The following SNED1 variants were observed in gnomAD, a reference collection of about 807,000 sequenced individuals.
SNED1 encodes sushi, nidogen and EGF-like domain-containing protein 1.
In SNED1, 81 loss-of-function variants were observed where a neutral mutation model predicts 166.7. That is an observed-to-expected ratio of 0.49 (90% CI 0.41 to 0.58). The LOEUF (loss-of-function observed/expected upper bound fraction) is 0.58, where lower values mean the gene tolerates loss of function less well. Ranked by LOEUF, SNED1 falls within the 20% of genes least tolerant of loss-of-function variation. SNED1 has a pLI of 0.00. For missense variants in SNED1, 1,604 were observed against 2,000.2 expected, an observed-to-expected ratio of 0.80 and a Z score of 3.78; for synonymous variants, 762 against 822.0, an observed-to-expected ratio of 0.93 and a Z score of 1.25.
Position 241,073,628 on chromosome 2 carries a change from G to A in SNED1, c.3916+264G>A, listed in dbSNP as rs2062858644. The A allele has an allele frequency of 3.9e-6, 2 of 518,092 alleles. No individual in the cohort carries two copies. The highest frequency in any genetic ancestry group is 3.0e-5 in the East Asian group (1 of 33,094). The allele number at this position is 518,092 out of a possible 1,614,324, so 32.1% of individuals were successfully genotyped here. ...AGTCTGAGCTAGAGAGACTGGCTTT[G>A]ATGCTGCCTCCCCTCCCCTCTCCTC... On this transcript the variant is annotated intron_variant, in intron 27 of 31. Coordinates refer to ENST00000310397, the MANE Select transcript of SNED1 (RefSeq NM_001080437.3). This position sits in a 1 kb window ranked among gnomAD's most constrained non-coding sequence, Gnocchi z 6.6.
At chr2:241,004,338 G>A (rs902594929) in intron 1 of SNED1, among the ~76,000 whole-genome samples, 1 of 152,006 alleles carries the variant, frequency 6.6e-6, no homozygotes. Flanking sequence ...TTTTAATCCA[G>A]CCTGACAAAT....
intron 1 of SNED1, among the ~76,000 whole-genome samples, chr2:241,006,817 G>A (rs183533288): frequency 1.3e-5 from 2 of 152,154 alleles, no homozygotes; most frequent in African/African-American, 4.8e-5. Flanking sequence ...AAGAACCAGG[G>A]TGCCTTGGAG....
Position 241,040,244 on chromosome 2 carries a change from G to A in SNED1, c.1159+56G>A. On this transcript the variant is annotated intron_variant, in intron 7 of 31. Transcript: ENST00000310397. ...GCTCCTGCCCGTGGCCAGGTGCTGGGCACAGGGTGGTTGTGGCCTGGCTCA... is the reference window on the plus strand; with the variant it reads ...GCTCCTGCCCGTGGCCAGGTGCTGGACACAGGGTGGTTGTGGCCTGGCTCA... 5.7e-6 allele frequency: 9 copies of A among 1,566,656 alleles called. No individual in the cohort carries two copies. The South Asian group carries it at 1.0e-4, about 18-fold the overall frequency.
chr2:241,058,893 T>A (rs2062147000), intron 16 of SNED1, among the ~76,000 whole-genome samples: 2 of 151,346 alleles, frequency 1.3e-5, no homozygotes, highest in African/African-American at 4.9e-5. Context: ...GAGCTTGCAG[T>A]GAGCCAAGAT....
chr2:241,070,331 AG>A (rs1178714530), intron 24 of SNED1, 130 bp downstream of exon 24: 4 of 983,610 alleles, frequency 4.1e-6, no homozygotes, highest in Non-Finnish European at 5.8e-6. Flanking sequence ...CCGTGTTAGC[AG>A]GGGAGGAGTC....
intron 8 of SNED1, 70 bp from the exon 9 acceptor site, chr2:241,048,245 G>C: frequency 6.7e-7 from 1 of 1,482,644 alleles, no homozygotes; most frequent in East Asian, 2.4e-5. Flanking sequence ...GGTGCCATTG[G>C]AGCTGGGCGG....
chr2:241,081,413 T>C (rs762853948), intron 27 of SNED1, among the ~76,000 whole-genome samples: 4 of 150,214 alleles, frequency 2.7e-5, no homozygotes, highest in East Asian at 1.9e-4. Context: ...TCCTCCTCCT[T>C]GTTTTTGTTT....
At chr2:241,000,189 A>G (rs1163366215) in intron 1 of SNED1, among the ~76,000 whole-genome samples, 1 of 152,004 alleles carries the variant, frequency 6.6e-6, no homozygotes, top group African/African-American at 2.4e-5. Context: ...CATGGTTGTC[A>G]TCATCCCTCC....
rs765384121 is a variant in SNED1, at chr2:241,051,736, C to G, written c.1736-8C>G. The G allele has an allele frequency of 3.4e-6, 5 of 1,476,774 alleles. No homozygotes were observed. Among genetic ancestry groups the G allele is most frequent in the Non-Finnish European group, 4.5e-6 (5 of 1,112,666 alleles). The allele number at this position is 1,476,774 out of a possible 1,614,324, so 91.5% of individuals were successfully genotyped here. ...CCCGTTCATCTGCCTCTCTGTCCTT[C>G]CACACAGCCCGGCCACACCTGTGCA... On this transcript the variant is annotated splice_region_variant and splice_polypyrimidine_tract_variant and intron_variant, in intron 12 of 31. Transcript: ENST00000310397. This position sits in a 1 kb window ranked among gnomAD's most constrained non-coding sequence, Gnocchi z 4.7.
chr2:241,081,527 C>A, intron 27 of SNED1, 150 bp from the exon 28 acceptor site: 1 of 641,600 alleles, frequency 1.6e-6, no homozygotes, highest in Non-Finnish European at 2.9e-6. Context: ...GCTCTAGGGC[C>A]CAGAGGCGTT....
chr2:241,051,888 G>T lies in SNED1; in HGVS notation c.1852+28G>T. The T allele has an allele frequency of 6.6e-7, 1 of 1,515,878 alleles. No individual in the cohort carries two copies. Among genetic ancestry groups the T allele is most frequent in the African/African-American group, 1.4e-5 (1 of 72,524 alleles). 93.9% of individuals were successfully genotyped at this position (1,515,878 alleles called of 1,614,324 possible). A position where few individuals can be genotyped will look rare whatever the true frequency, so the allele number is the denominator to read the frequency against. ...GCGGCCCCCAGGGGCAGGGGGGAGG[G>T]CAGGAACGACGGGCCAGCCCTGAGC... is the stretch of plus-strand genomic sequence containing the variant. On this transcript the variant is annotated intron_variant, in intron 13 of 31. Coordinates refer to ENST00000310397, the MANE Select transcript of SNED1 (RefSeq NM_001080437.3). The surrounding 1 kb of genome is among the most constrained non-coding windows in gnomAD (Gnocchi z 4.7).
rs1291781745 is a variant in SNED1, at chr2:241,048,355, C to T, written c.1314C>T (p.Cys438=). 1.2e-6 allele frequency: 2 copies of T among 1,611,134 alleles called. No individual in the cohort carries two copies. Among genetic ancestry groups the T allele is most frequent in the African/African-American group, 2.7e-5 (2 of 74,846 alleles). Residue 438 remains cysteine, a synonymous_variant, in exon 9 of 32, where the codon TGC becomes TGT. Transcript: ENST00000310397. ...CAGACGCCTGCCTCTCGGCCCCTTG[C>T]CACAATGGGGGCACCTGTGTGGATG... ...PVPDACLSAP[C]HNGGTCVDAD...
Position 241,051,900 on chromosome 2 carries a change from G to A in SNED1, c.1852+40G>A, listed in dbSNP as rs1248728100. On this transcript the variant is annotated intron_variant, in intron 13 of 31. Transcript: ENST00000310397. The surrounding 1 kb of genome is among the most constrained non-coding windows in gnomAD (Gnocchi z 4.7). ...GGCAGGGGGGAGGGCAGGAACGACG[G>A]GCCAGCCCTGAGCTGGGGCCCCTGA... The A allele has an allele frequency of 7.3e-6, 11 of 1,505,254 alleles. No individual in the cohort carries two copies. The highest frequency in any genetic ancestry group is 7.2e-6 in the Non-Finnish European group (8 of 1,115,244). The allele number at this position is 1,505,254 out of a possible 1,614,324, so 93.2% of individuals were successfully genotyped here.
At chr2:241,087,106 CACATTTT>C (rs2063621384) in intron 29 of SNED1, 1 of 354,700 alleles carries the variant, frequency 2.8e-6, no homozygotes, top group South Asian at 7.1e-5. Context: ...TTTGACATTT[CACATTTT>C]ATTTTTAGTA....
intron 6 of SNED1, among the ~76,000 whole-genome samples, chr2:241,039,649 C>T (rs1001693676): frequency 1.3e-5 from 2 of 152,134 alleles, no homozygotes; most frequent in Admixed American, 6.5e-5. Flanking sequence ...CCCAGCCTCT[C>T]GCCCCAGGGG....
At chr2:241,001,781 C>G (rs752516764) in intron 1 of SNED1, among the ~76,000 whole-genome samples, 1 of 152,196 alleles carries the variant, frequency 6.6e-6, no homozygotes, top group Non-Finnish European at 1.5e-5. Flanking sequence ...AGCATGGTCT[C>G]TGGGCCATGG....
In SNED1 at chr2:241,094,813, A is replaced by G. The variant is rs1049033000; in HGVS notation, c.*3177A>G. On this transcript the variant is annotated 3_prime_UTR_variant, in exon 32 of 32. Transcript: ENST00000310397. This position sits in a 1 kb window ranked among gnomAD's most constrained non-coding sequence, Gnocchi z 4.3. ...ATCTAGTTGATCCTAGAATGCTACCAAGGAGACTTGAATTTTGGTCCCATC... is the reference window on the plus strand; with the variant it reads ...ATCTAGTTGATCCTAGAATGCTACCGAGGAGACTTGAATTTTGGTCCCATC... 2.4e-5 allele frequency: 4 copies of G among 164,326 alleles called. No individual in the cohort carries two copies. Among genetic ancestry groups the G allele is most frequent in the African/African-American group, 9.6e-5 (4 of 41,460 alleles). 10.2% of individuals were successfully genotyped at this position (164,326 alleles called of 1,614,324 possible).
In SNED1 at chr2:241,067,744, G is replaced by T. The variant is rs569150625; in HGVS notation, c.3011-20G>T. 49 of 1,587,644 alleles carry T rather than the reference G, an allele frequency of 3.1e-5. No individual in the cohort carries two copies. In the East Asian group the frequency reaches 9.3e-4, roughly 30 times the overall value. On this transcript the variant is annotated intron_variant, in intron 21 of 31. Transcript: ENST00000310397. ...GAGCAAGGAGGGGCCGGCACCTGCT[G>T]AACAGTCCATTCCCCCTAGGACCCC...
Position 241,052,364 on chromosome 2 carries a change from C to A in SNED1, c.1979C>A (p.Pro660His). The A allele has an allele frequency of 6.3e-7, 1 of 1,575,174 alleles. No individual in the cohort carries two copies. The highest frequency in any genetic ancestry group is 8.6e-7 in the Non-Finnish European group (1 of 1,159,338). Residue 660 changes from proline to histidine, a missense_variant, in exon 15 of 32, where the codon CCC (proline) becomes CAC (histidine). Coordinates refer to ENST00000310397, the MANE Select transcript of SNED1 (RefSeq NM_001080437.3). The stretch of plus-strand genomic sequence containing the variant: ...TCCTGCATTCTGGCAGCCCCCTCCC[C>A]CTGCTTCCGGAGCCCGTGTGTGAAT... The part of the protein sequence containing the change: ...SGRHCEIAPS[P>H]CFRSPCVNGG...
Sources: gnomAD v4.1 joint callset for allele counts (sites outside exome capture counted in the v4.1 genomes callset) on GRCh38, gnomAD v4.1.1 for gene constraint, Gnocchi (gnomAD v3.1) non-coding constraint, MANE v1.5 for transcripts, NCBI Gene and HGNC (gene_info 2026-07-23, HGNC 2026-07-21) for gene names.